The following EYA2 variants were observed in gnomAD, a reference collection of about 807,000 sequenced individuals.
The protein encoded by EYA2 is EYA transcriptional coactivator and phosphatase 2.
EYA2 carries 31 observed loss-of-function variants against 69.2 expected under a neutral mutation model. The observed-to-expected ratio is 0.45, with a 90% CI of 0.34 to 0.60. EYA2 has a LOEUF of 0.60. Among genes scored for constraint, EYA2 ranks in the 20% least tolerant of loss-of-function variants. The pLI is 0.02. For missense variants in EYA2, 622 were observed against 701.2 expected (o/e 0.89, Z 1.28); for synonymous variants, 257 against 279.4 (o/e 0.92, Z 0.80).
At chr20:46,996,900 A>C (rs1982059604) in intron 2 of EYA2, among the ~76,000 whole-genome samples, 1 of 152,086 alleles carries the variant, frequency 6.6e-6, no homozygotes, top group Non-Finnish European at 1.5e-5. Flanking sequence ...GGTCTCAAAA[A>C]AAAAAAAGAA....
intron 15 of EYA2, among the ~76,000 whole-genome samples, chr20:47,187,665 G>A (rs2034672191): frequency 6.6e-6 from 1 of 152,190 alleles, no homozygotes; most frequent in Admixed American, 6.5e-5. Context: ...GCCTCCCAAA[G>A]TGCTGGGATT....
intron 7 of EYA2, among the ~76,000 whole-genome samples, chr20:47,084,346 G>C (rs2031825302): frequency 6.6e-6 from 1 of 152,282 alleles, no homozygotes; most frequent in Non-Finnish European, 1.5e-5. Context: ...TTCAAGACCA[G>C]CGTGGGCAAC....
Position 47,112,804 on chromosome 20 carries a change from C to G in EYA2, c.888+15636C>G, listed in dbSNP as rs2032782406. On this transcript the variant is annotated intron_variant, in intron 9 of 15. Coordinates refer to ENST00000327619, the MANE Select transcript of EYA2 (RefSeq NM_005244.5). ...AAACAGTTCCAGGGAAGTTGAGGGACTTGCCTGAGGCTCCAGAAGCAGGGA... is the reference window on the plus strand; with the variant it reads ...AAACAGTTCCAGGGAAGTTGAGGGAGTTGCCTGAGGCTCCAGAAGCAGGGA... 2.7e-5 allele frequency among the ~76,000 whole-genome samples: 4 copies of G among 147,728 alleles called. No individual in the cohort carries two copies. In the Admixed American group the frequency reaches 2.7e-4, roughly 10 times the overall value.
At chr20:47,105,730 G>A (rs980476353) in intron 9 of EYA2, among the ~76,000 whole-genome samples, 1 of 151,822 alleles carries the variant, frequency 6.6e-6, no homozygotes, top group East Asian at 1.9e-4. Flanking sequence ...ACACACATTT[G>A]AATGTAAACT....
chr20:46,985,992 T>C, intron 1 of EYA2, among the ~76,000 whole-genome samples: 1 of 152,146 alleles, frequency 6.6e-6, no homozygotes, highest in Non-Finnish European at 1.5e-5. Context: ...TCATTGTTTA[T>C]TTTTTTAACC....
chr20:47,112,702 T>G (rs986821957), intron 9 of EYA2, among the ~76,000 whole-genome samples: 4 of 152,058 alleles, frequency 2.6e-5, no homozygotes, highest in African/African-American at 9.7e-5. Context: ...TTACATTATT[T>G]GTCTTAATTC....
At chr20:47,176,076 CTTTTT>C (rs35654076) in intron 12 of EYA2, among the ~76,000 whole-genome samples, 5 of 112,460 alleles carry the variant, frequency 4.4e-5, no homozygotes, top group South Asian at 2.8e-4. Flanking sequence ...CACTTAAATT[CTTTTT>C]TTTTTTTTTT....
At chr20:47,135,758 G>A (rs531363248) in intron 9 of EYA2, among the ~76,000 whole-genome samples, 4 of 137,500 alleles carry the variant, frequency 2.9e-5, no homozygotes, top group African/African-American at 1.1e-4. Flanking sequence ...GAGGCAGGAG[G>A]ATCACTTGAG....
intron 6 of EYA2, 111 bp from the exon 7 acceptor site, chr20:47,074,047 C>A: frequency 2.9e-6 from 3 of 1,051,270 alleles, no homozygotes; most frequent in Non-Finnish European, 3.9e-6. Context: ...ACAGTTTCTG[C>A]CCACAGAGAG....
At chr20:46,985,602 G>A (rs985440306) in intron 1 of EYA2, among the ~76,000 whole-genome samples, 7 of 152,162 alleles carry the variant, frequency 4.6e-5, no homozygotes, top group East Asian at 1.9e-4. Flanking sequence ...AAATGCAAAT[G>A]CCTATAGGGA....
intron 5 of EYA2, among the ~76,000 whole-genome samples, chr20:47,068,307 T>C (rs2031189109): frequency 6.6e-6 from 1 of 152,200 alleles, no homozygotes; most frequent in African/African-American, 2.4e-5. Context: ...CCTCAGTATC[T>C]TTGTGTAGAG....
intron 1 of EYA2, among the ~76,000 whole-genome samples, chr20:46,918,058 C>T (rs773039669): frequency 2.0e-5 from 3 of 152,054 alleles, no homozygotes; most frequent in South Asian, 2.1e-4. Flanking sequence ...TGGTGGCTCA[C>T]GCCCACAATC....
At chr20:46,967,881 G>A (rs1286606500) in intron 1 of EYA2, among the ~76,000 whole-genome samples, 1 of 152,152 alleles carries the variant, frequency 6.6e-6, no homozygotes, top group African/African-American at 2.4e-5. Context: ...CCCTGGTGGT[G>A]GCATAGACAG....
chr20:47,088,819 C>T (rs139292869), intron 7 of EYA2, among the ~76,000 whole-genome samples: 5 of 152,304 alleles, frequency 3.3e-5, no homozygotes, highest in East Asian at 1.9e-4. Flanking sequence ...AGCAATCAAG[C>T]GATCCTCTCA....
intron 14 of EYA2, among the ~76,000 whole-genome samples, chr20:47,182,544 G>T (rs539942785): frequency 6.7e-6 from 1 of 149,578 alleles, no homozygotes; most frequent in African/African-American, 2.5e-5. Context: ...TAGGAGAGTC[G>T]CTTGAACCCA....
At chr20:46,926,087 C>A (rs186636497) in intron 1 of EYA2, among the ~76,000 whole-genome samples, 1 of 151,990 alleles carries the variant, frequency 6.6e-6, no homozygotes, top group Non-Finnish European at 1.5e-5. Context: ...GAAGCAAGTG[C>A]GGAGTGAATA....
intron 7 of EYA2, among the ~76,000 whole-genome samples, chr20:47,082,098 G>T (rs1328881201): frequency 2.6e-5 from 4 of 151,954 alleles, no homozygotes; most frequent in Non-Finnish European, 4.4e-5. Context: ...CCTCAGCCTC[G>T]CAAAGTGCTG....
intron 1 of EYA2, among the ~76,000 whole-genome samples, chr20:46,971,873 T>C (rs902454952): frequency 1.3e-5 from 2 of 152,232 alleles, no homozygotes; most frequent in African/African-American, 2.4e-5. Flanking sequence ...TGGTACTCAT[T>C]GCCTGACTGT....
At chr20:47,084,529 C>T (rs2031830953) in intron 7 of EYA2, among the ~76,000 whole-genome samples, 1 of 151,908 alleles carries the variant, frequency 6.6e-6, no homozygotes, top group South Asian at 2.1e-4. Context: ...AGAGTGAGAC[C>T]CTGTCTCAAA....
Sources: gnomAD v4.1 joint callset for allele counts (sites outside exome capture counted in the v4.1 genomes callset) on GRCh38, gnomAD v4.1.1 for gene constraint, MANE v1.5 for transcripts, NCBI Gene and HGNC (gene_info 2026-07-23, HGNC 2026-07-21) for gene names.